Variants in COQ2 observed in about 807,000 individuals in gnomAD.
COQ2 encodes 4-hydroxybenzoate polyprenyltransferase, mitochondrial.
A neutral mutation model predicts 35.7 loss-of-function variants in COQ2; 25 were observed. The observed-to-expected ratio is 0.70, with a 90% CI of 0.51 to 0.98. COQ2 has a LOEUF of 0.98. Among genes scored for constraint, COQ2 ranks in the 50% least tolerant of loss-of-function variants. The pLI is 0.00. For synonymous variants in COQ2, 206 were observed against 186.2 expected (o/e 1.11, Z -0.86); for missense variants, 488 against 473.5 (o/e 1.03, Z -0.28).
chr4:83,276,757 G>A (rs75842761), intron 2 of COQ2, among the ~76,000 whole-genome samples: 1 of 152,162 alleles, frequency 6.6e-6, no homozygotes, highest in African/African-American at 2.4e-5. Flanking sequence ...ATTTATCACA[G>A]CATTATTCAC....
chr4:83,267,858 T>TG (rs1411830942), intron 5 of COQ2, 84 bp from the exon 6 acceptor site: 1 of 1,068,522 alleles, frequency 9.4e-7, no homozygotes, highest in Non-Finnish European at 1.3e-6. Context: ...TCAGATTTAG[T>TG]GTTTTTTTGT....
chr4:83,272,183 GA>G lies in COQ2; in HGVS notation c.543-12del, dbSNP rs1387717677. On this transcript the variant is annotated splice_polypyrimidine_tract_variant and intron_variant, in intron 3 of 6. Coordinates refer to ENST00000647002, the MANE Select transcript of COQ2 (RefSeq NM_001358921.2). Reference sequence around the variant, plus strand: ...GCTCCCAGAGCTATACTGAAAAGAGGAAAAACCATTAAAGTGATTATTACCA... The same window carrying G: ...GCTCCCAGAGCTATACTGAAAAGAGGAAAACCATTAAAGTGATTATTACCA... The G allele has an allele frequency of 1.9e-6, 3 of 1,578,744 alleles. No individual in the cohort carries two copies. The highest frequency in any genetic ancestry group is 1.7e-5 in the Admixed American group (1 of 57,552).
At chr4:83,274,972 T>G (rs891732109) in intron 2 of COQ2, among the ~76,000 whole-genome samples, 2 of 152,242 alleles carry the variant, frequency 1.3e-5, no homozygotes, top group Non-Finnish European at 2.9e-5. Flanking sequence ...TTATTACAAT[T>G]ATTATATCTT....
intron 1 of COQ2, among the ~76,000 whole-genome samples, chr4:83,280,359 T>G (rs1735293120): frequency 1.3e-5 from 2 of 152,198 alleles, no homozygotes; most frequent in African/African-American, 4.8e-5. Context: ...GAAAAGGGAT[T>G]TGGGGCTAAA....
intron 1 of COQ2, chr4:83,282,498 C>G (rs919709722): frequency 3.6e-6 from 1 of 275,610 alleles, no homozygotes; most frequent in Non-Finnish European, 5.5e-6. Context: ...TAACATAGTA[C>G]TATTTAGTTT....
chr4:83,276,016 TAA>T (rs1735158600), intron 2 of COQ2, among the ~76,000 whole-genome samples: 1 of 62,220 alleles, frequency 1.6e-5, no homozygotes, highest in South Asian at 6.3e-4. Flanking sequence ...ATATTATATA[TAA>T]TATATATTTT....
At chr4:83,276,725 A>C (rs1160145910) in intron 2 of COQ2, among the ~76,000 whole-genome samples, 2 of 152,234 alleles carry the variant, frequency 1.3e-5, no homozygotes, top group African/African-American at 4.8e-5. Context: ...TCATTTTGCC[A>C]AAAAGACACC....
chr4:83,283,618 T>C (rs1341819616), intron 1 of COQ2: 1 of 985,326 alleles, frequency 1.0e-6, no homozygotes, highest in Non-Finnish European at 1.2e-6. Context: ...TTGATCCATA[T>C]TTTCCTAGCT....
intron 1 of COQ2, among the ~76,000 whole-genome samples, chr4:83,279,860 C>CTTTT (rs11420227): frequency 4.6e-5 from 6 of 130,176 alleles, no homozygotes; most frequent in Non-Finnish European, 6.3e-5. Flanking sequence ...ACGGTCTAGT[C>CTTTT]TTTTTTTTTT....
chr4:83,266,103 T>C (rs1734912199), intron 6 of COQ2, among the ~76,000 whole-genome samples: 1 of 152,200 alleles, frequency 6.6e-6, no homozygotes, highest in East Asian at 1.9e-4. Flanking sequence ...CTCATGGAGC[T>C]GAGCTATGAC....
intron 3 of COQ2, among the ~76,000 whole-genome samples, chr4:83,272,663 G>A (rs944422753): frequency 3.3e-5 from 5 of 152,124 alleles, no homozygotes; most frequent in African/African-American, 7.2e-5. Context: ...ACTACCAAAT[G>A]TTACTGCCTC....
At chr4:83,265,726 C>A (rs1369961284) in intron 6 of COQ2, among the ~76,000 whole-genome samples, 1 of 151,786 alleles carries the variant, frequency 6.6e-6, no homozygotes, top group Non-Finnish European at 1.5e-5. Flanking sequence ...TGCAGTGGCA[C>A]CATCTTGGCT....
At chr4:83,265,945 G>A (rs777205912) in intron 6 of COQ2, among the ~76,000 whole-genome samples, 13 of 152,122 alleles carry the variant, frequency 8.5e-5, no homozygotes, top group Non-Finnish European at 1.6e-4. Context: ...GATTACAGGC[G>A]TGAGCCACTG....
chr4:83,275,328 G>C lies in COQ2; in HGVS notation c.421-1711C>G, dbSNP rs187565364. On this transcript the variant is annotated intron_variant, in intron 2 of 6. Transcript: ENST00000647002. ...TTTGACACTGCTCTGGCAAAAGAAG[G>C]GGGTGGGAGATGCTGCCTAATTGCT... Among the ~76,000 whole-genome samples, 255 of 152,228 alleles carry C rather than the reference G, an allele frequency of 1.7e-3. 1 individual carries two copies. In the Middle Eastern group the frequency reaches 0.031, roughly 18 times the overall value.
chr4:83,282,274 AAG>A (rs1400300462), intron 1 of COQ2, among the ~76,000 whole-genome samples: 1 of 152,216 alleles, frequency 6.6e-6, no homozygotes, highest in Non-Finnish European at 1.5e-5. Context: ...GCCCATTTGA[AAG>A]AAGCTGTATT....
intron 5 of COQ2, among the ~76,000 whole-genome samples, chr4:83,268,980 T>C (rs1406515692): frequency 1.3e-5 from 2 of 152,186 alleles, no homozygotes; most frequent in Admixed American, 6.5e-5. Context: ...ATAATTTTAT[T>C]TGTCAGTTAC....
intron 5 of COQ2, 53 bp from the exon 6 acceptor site, chr4:83,267,827 T>C (rs1464053290): frequency 1.4e-6 from 2 of 1,409,214 alleles, no homozygotes; most frequent in Non-Finnish European, 1.9e-6. Context: ...TCACACACCA[T>C]AAAATTCACA....
Position 83,269,915 on chromosome 4 carries a change from A to G in COQ2, c.707T>C (p.Leu236Pro), listed in dbSNP as rs1368872354. 4 of 1,612,848 alleles carry G rather than the reference A, an allele frequency of 2.5e-6. No individual in the cohort carries two copies. In the South Asian group the frequency reaches 4.4e-5, roughly 18 times the overall value. ...TGTCCACATAACTCCAGAAAAATAA[A>G]GAGGCAGGCAAACAGATGGATCACA... Reference protein sequence around the residue: ...GSCDPSVCLPLYFSGVMWTLI... With the variant: ...GSCDPSVCLPPYFSGVMWTLI... The change falls in exon 5 of 7, where the codon CTT becomes CCT. Residue 236 changes from leucine to proline, a missense_variant. Transcript: ENST00000647002.
At chr4:83,272,399 T>C (rs771922424) in intron 3 of COQ2, among the ~76,000 whole-genome samples, 1 of 152,200 alleles carries the variant, frequency 6.6e-6, no homozygotes, top group Non-Finnish European at 1.5e-5. Context: ...AGCTAACACA[T>C]ACAGTACTAT....
Sources: gnomAD v4.1 joint callset for allele counts (sites outside exome capture counted in the v4.1 genomes callset) on GRCh38, gnomAD v4.1.1 for gene constraint, MANE v1.5 for transcripts, NCBI Gene and HGNC (gene_info 2026-07-23, HGNC 2026-07-21) for gene names.